GALK1: variants seen among roughly 807,000 people sequenced by gnomAD.
GALK1 encodes galactokinase 1.
A neutral mutation model predicts 38.6 loss-of-function variants in GALK1; 30 were observed. The ratio of observed to expected loss-of-function variants is 0.78; its 90% CI spans 0.58 to 1.05. The LOEUF is 1.05. Ranked by LOEUF, GALK1 falls within the 50% of genes least tolerant of loss-of-function variation. The pLI is 0.00. For synonymous variants in GALK1, 240 were observed against 233.6 expected (o/e 1.03, Z -0.25); for missense variants, 512 against 540.5 (o/e 0.95, Z 0.52).
chr17:75,752,104 C>T (rs1312926825), intron 8 of GALK1: 1 of 1,521,642 alleles, frequency 6.6e-7, no homozygotes, highest in African/African-American at 1.4e-5. Context: ...GGCCGTCCTG[C>T]TGTGTCAGGG....
chr17:75,757,412 A>G, downstream of GALK1: 1 of 1,613,110 alleles, frequency 6.2e-7, no homozygotes, highest in Non-Finnish European at 8.5e-7. Flanking sequence ...CTCCTCCTCC[A>G]CAGATGGGCT....
At chr17:75,752,269 A>C in intron 8 of GALK1, 1 of 1,613,470 alleles carries the variant, frequency 6.2e-7, no homozygotes, top group Non-Finnish European at 8.5e-7. Flanking sequence ...CTACCGCTAC[A>C]CGGTGAAGGC....
Position 75,752,442 on chromosome 17 carries a change from G to A in GALK1, c.*23-705C>T, listed in dbSNP as rs369841673. 3.5e-5 allele frequency: 56 copies of A among 1,613,190 alleles called. No individual in the cohort carries two copies. The highest frequency in any genetic ancestry group is 4.7e-5 in the Non-Finnish European group (55 of 1,179,948). On this transcript the variant is annotated intron_variant, in intron 8 of 8. Transcript: ENST00000225614. Reference sequence around the variant, plus strand: ...GGGCCCTGGCTCACTCCCCTGCCCTGCAGTCCCCATCATCCCTGACATCCC... The same window carrying A: ...GGGCCCTGGCTCACTCCCCTGCCCTACAGTCCCCATCATCCCTGACATCCC...
chr17:75,761,201 CAAAT>C (rs576940782), intron 5 of GALK1, among the ~76,000 whole-genome samples: 85 of 151,088 alleles, frequency 5.6e-4, no homozygotes, highest in African/African-American at 1.9e-3. Context: ...GACTCTGTCT[CAAAT>C]AAATAAATAA....
chr17:75,765,158 A>G lies in GALK1; in HGVS notation c.-22T>C, dbSNP rs545362817. Reference sequence around the variant, plus strand: ...CCATGACGCGCGCCTGCAGCTCTGCACAGCTGCTCCGGCACAGCCCCGTCG... The same window carrying G: ...CCATGACGCGCGCCTGCAGCTCTGCGCAGCTGCTCCGGCACAGCCCCGTCG... On this transcript the variant is annotated 5_prime_UTR_variant, in exon 1 of 8. Transcript: ENST00000588479. 198 of 1,507,392 alleles carry G rather than the reference A, an allele frequency of 1.3e-4. No homozygotes were observed. In the East Asian group the frequency reaches 3.5e-3, roughly 27 times the overall value. The allele number at this position is 1,507,392 out of a possible 1,614,324, so 93.4% of individuals were successfully genotyped here.
At chr17:75,760,689 T>C (rs1411439066) in intron 5 of GALK1, among the ~76,000 whole-genome samples, 1 of 151,764 alleles carries the variant, frequency 6.6e-6, no homozygotes, top group Non-Finnish European at 1.5e-5. Context: ...GGCAGGAGAA[T>C]TGCTTGAACC....
chr17:75,761,704 G>C (rs1352762631), intron 5 of GALK1, among the ~76,000 whole-genome samples: 1 of 144,844 alleles, frequency 6.9e-6, no homozygotes, highest in African/African-American at 2.6e-5. Context: ...TGGGTTCTGA[G>C]ATTATGTTTA....
chr17:75,764,040 C>G lies in GALK1; in HGVS notation c.212G>C (p.Gly71Ala), dbSNP rs764736469. 1 of 1,601,302 alleles carries G rather than the reference C, an allele frequency of 6.2e-7. No homozygotes were observed. Among genetic ancestry groups the G allele is most frequent in the Non-Finnish European group, 8.5e-7 (1 of 1,175,582 alleles). ...AGAGGTGGTGAGGAGAGACACCAGCCCATCCTTGCGGGGGCTGCCCACCAG... is the reference window on the plus strand; with the variant it reads ...AGAGGTGGTGAGGAGAGACACCAGCGCATCCTTGCGGGGGCTGCCCACCAG... Reference protein sequence around the residue: ...TVLVGSPRKDGLVSLLTTSEG... With the variant: ...TVLVGSPRKDALVSLLTTSEG... The change falls in exon 2 of 8, where the codon GGG (glycine) becomes GCG (alanine). Residue 71 changes from glycine to alanine, a missense_variant. By Grantham distance (60) the Gly-to-Ala change is moderately conservative. Transcript: ENST00000588479.
Position 75,765,096 on chromosome 17 carries a change from G to A in GALK1, c.41C>T (p.Ala14Val). ...LRQPQVAELL[A>V]EARRAFREEF... Reference sequence around the variant, plus strand: ...CTCCCGGAAGGCTCGCCGGGCCTCGGCCAGCAGCTCCGCGACCTGGGGCTG... The same window carrying A: ...CTCCCGGAAGGCTCGCCGGGCCTCGACCAGCAGCTCCGCGACCTGGGGCTG... Residue 14 changes from alanine (A) to valine (V), a missense_variant, in exon 1 of 8, where the codon GCC (alanine) becomes GTC (valine). Coordinates refer to ENST00000588479, the MANE Select transcript of GALK1 (RefSeq NM_000154.2). The A allele has an allele frequency of 6.3e-7, 1 of 1,590,784 alleles. No homozygotes were observed. Among genetic ancestry groups the A allele is most frequent in the South Asian group, 1.1e-5 (1 of 88,368 alleles).
At chr17:75,754,313 C>G (rs905935515), downstream of GALK1, among the ~76,000 whole-genome samples, 1 of 152,270 alleles carries the variant, frequency 6.6e-6, no homozygotes, top group African/African-American at 2.4e-5. Flanking sequence ...GCAGACGCAG[C>G]AAACCCCCGC....
At chr17:75,755,533 G>A (rs1452820324), downstream of GALK1, among the ~76,000 whole-genome samples, 1 of 152,164 alleles carries the variant, frequency 6.6e-6, no homozygotes, top group Admixed American at 6.5e-5. Context: ...GAGGATGTGC[G>A]GTAGGTGCTG....
At position 75,765,165 on chromosome 17, in the gene GALK1, C is replaced by T; in HGVS notation, c.-29G>A. 6.8e-7 allele frequency: 1 copy of T among 1,474,722 alleles called. No homozygotes were observed. The highest frequency in any genetic ancestry group is 9.0e-7 in the Non-Finnish European group (1 of 1,116,332). The allele number at this position is 1,474,722 out of a possible 1,614,324, so 91.4% of individuals were successfully genotyped here. A position where few individuals can be genotyped will look rare whatever the true frequency, so the allele number is the denominator to read the frequency against. ...GCGCGCCTGCAGCTCTGCACAGCTG[C>T]TCCGGCACAGCCCCGTCGGCGCGGG... is the stretch of plus-strand genomic sequence containing the variant. On this transcript the variant is annotated 5_prime_UTR_variant, in exon 1 of 8. Coordinates refer to ENST00000588479, the MANE Select transcript of GALK1 (RefSeq NM_000154.2).
intron 3 of GALK1, 83 bp from the exon 4 acceptor site, chr17:75,763,232 A>AC (rs2143603386): frequency 1.2e-6 from 2 of 1,609,782 alleles, no homozygotes; most frequent in East Asian, 4.5e-5. Context: ...AGTCCCTGCC[A>AC]CCCCCTCCAT....
chr17:75,757,236 T>C, downstream of GALK1: 2 of 1,611,864 alleles, frequency 1.2e-6, no homozygotes, highest in South Asian at 2.2e-5. Flanking sequence ...GCCGGGCTCT[T>C]CCAGCACCCG....
At chr17:75,754,512 G>T, downstream of GALK1, 1 of 1,607,788 alleles carries the variant, frequency 6.2e-7, no homozygotes. Flanking sequence ...GCAGGGCCCA[G>T]CCTGCCCCAC....
At chr17:75,761,264 G>A (rs901760171) in intron 5 of GALK1, among the ~76,000 whole-genome samples, 1 of 151,938 alleles carries the variant, frequency 6.6e-6, no homozygotes, top group East Asian at 1.9e-4. Context: ...AGTGTGAGGT[G>A]TATCAGAAAA....
chr17:75,753,920 G>A (rs1473773300), downstream of GALK1: 8 of 1,286,570 alleles, frequency 6.2e-6, no homozygotes, highest in Non-Finnish European at 7.8e-6. Flanking sequence ...CGACGGCGGC[G>A]CGGGCGGGAA....
chr17:75,758,372 T>A lies in GALK1; in HGVS notation c.945A>T (p.Arg315Ser). The A allele has an allele frequency of 1.9e-6, 3 of 1,588,680 alleles. No homozygotes were observed. The highest frequency in any genetic ancestry group is 2.6e-6 in the Non-Finnish European group (3 of 1,168,282). The stretch of plus-strand genomic sequence containing the variant: ...CTGGGCAGCTCACCTCATAGTCGTC[T>A]CTGCAGAGAGGATATTGAAGGGGTG... The part of the protein sequence containing the change: ...RLMVESHRSL[R>S]DDYEVSCPEL... Residue 315 changes from arginine (R) to serine (S), a missense_variant and splice_region_variant, in exon 7 of 8, where the codon AGA (arginine) becomes AGT (serine). Arg to Ser is a moderately radical substitution (Grantham distance 110). Coordinates refer to ENST00000588479, the MANE Select transcript of GALK1 (RefSeq NM_000154.2).
chr17:75,758,194 C>T lies in GALK1; in HGVS notation c.1107+16G>A. On this transcript the variant is annotated intron_variant, in intron 7 of 7. Coordinates refer to ENST00000588479, the MANE Select transcript of GALK1 (RefSeq NM_000154.2). ...AGCTGCCGCTCCTGCCCGCCCAGGCCCTGGTGCCCGCCCACCTGGATGTGC... is the reference window on the plus strand; with the variant it reads ...AGCTGCCGCTCCTGCCCGCCCAGGCTCTGGTGCCCGCCCACCTGGATGTGC... The T allele has an allele frequency of 6.2e-7, 1 of 1,608,572 alleles. No homozygotes were observed. The highest frequency in any genetic ancestry group is 8.5e-7 in the Non-Finnish European group (1 of 1,178,294).
Sources: allele counts gnomAD v4.1 joint callset (sites outside exome capture counted in the v4.1 genomes callset), GRCh38; gene constraint gnomAD v4.1.1; transcripts MANE v1.5; gene names NCBI Gene and HGNC (gene_info 2026-07-23, HGNC 2026-07-21).